Variants in CACNB1 observed in about 807,000 individuals in gnomAD.
The protein encoded by CACNB1 is voltage-dependent L-type calcium channel subunit beta-1.
Under a neutral mutation model 71.6 loss-of-function variants are expected in CACNB1, and 29 were observed. That is an observed-to-expected ratio of 0.40 (90% CI 0.30 to 0.55). CACNB1 has a LOEUF of 0.55. Ranked by LOEUF, CACNB1 falls within the 20% of genes least tolerant of loss-of-function variation. The probability of loss-of-function intolerance (pLI) is 0.38; values close to 1 mark genes in which losing one functional copy is unlikely to be tolerated. For missense variants in CACNB1, 623 were observed against 801.8 expected (o/e 0.78, Z 2.69); for synonymous variants, 300 against 319.6 (o/e 0.94, Z 0.65).
Position 39,186,419 on chromosome 17 carries a change from A to T in CACNB1, c.628+77T>A. The stretch of plus-strand genomic sequence containing the variant: ...ATTGGGGTGTTTCCTACTGCAGGGA[A>T]AGGAGGATTCAGGGAGTGGGGAGAC... On this transcript the variant is annotated intron_variant, in intron 6 of 13. Coordinates refer to ENST00000394303, the MANE Select transcript of CACNB1 (RefSeq NM_000723.5). The surrounding 1 kb of genome is among the most constrained non-coding windows in gnomAD (Gnocchi z 4.1). 1 of 1,052,812 alleles carries T rather than the reference A, an allele frequency of 9.5e-7. No homozygotes were observed. The highest frequency in any genetic ancestry group is 1.4e-6 in the Non-Finnish European group (1 of 703,688). The allele number at this position is 1,052,812 out of a possible 1,614,324, so 65.2% of individuals were successfully genotyped here.
chr17:39,190,974 G>C (rs915404390), intron 3 of CACNB1, among the ~76,000 whole-genome samples: 2 of 151,950 alleles, frequency 1.3e-5, no homozygotes, highest in Admixed American at 6.5e-5. Flanking sequence ...GGAGGCTGAG[G>C]GGGGCGGATC....
rs1291692512 is a variant in CACNB1, at chr17:39,194,811, G to A, written c.171+73C>T. ...CAGGGAAGGGTGCCTGGACAATACCGCAGACCTGGCTCACCAATGCTGGTC... is the reference window on the plus strand; with the variant it reads ...CAGGGAAGGGTGCCTGGACAATACCACAGACCTGGCTCACCAATGCTGGTC... On this transcript the variant is annotated intron_variant, in intron 2 of 13. Transcript: ENST00000394303. This position sits in a 1 kb window ranked among gnomAD's most constrained non-coding sequence, Gnocchi z 4.6. 7 of 1,043,986 alleles carry A rather than the reference G, an allele frequency of 6.7e-6. No individual in the cohort carries two copies. The highest frequency in any genetic ancestry group is 1.4e-5 in the South Asian group (1 of 70,686). 64.7% of individuals were successfully genotyped at this position (1,043,986 alleles called of 1,614,324 possible).
In CACNB1 at chr17:39,186,633, C is replaced by A; in HGVS notation, c.552-61G>T. The A allele has an allele frequency of 6.5e-7, 1 of 1,532,860 alleles. No individual in the cohort carries two copies. The highest frequency in any genetic ancestry group is 1.2e-5 in the South Asian group (1 of 86,894). The allele number at this position is 1,532,860 out of a possible 1,614,324, so 95.0% of individuals were successfully genotyped here. On this transcript the variant is annotated intron_variant, in intron 5 of 13. Transcript: ENST00000394303. The surrounding 1 kb of genome is among the most constrained non-coding windows in gnomAD (Gnocchi z 4.1). ...AGAGGTGGGCGTGGGGGGCTCTCAT[C>A]CTCTCACATGCGGCACCCCCGGAGG...
rs542304296 is a variant in CACNB1, at chr17:39,191,605, G to C, written c.172-12C>G. On this transcript the variant is annotated splice_polypyrimidine_tract_variant and intron_variant, in intron 2 of 13. Coordinates refer to ENST00000394303, the MANE Select transcript of CACNB1 (RefSeq NM_000723.5). ...GACTCCGCTGAGCCCTGAAAATAGA[G>C]AGAGCCAGATCAGGGCCATTGCTGC... 1.1e-5 allele frequency: 17 copies of C among 1,608,092 alleles called. No homozygotes were observed. In the South Asian group the frequency reaches 1.8e-4, roughly 17 times the overall value.
intron 4 of CACNB1, 91 bp downstream of exon 4, chr17:39,187,388 G>T: frequency 7.0e-7 from 1 of 1,431,190 alleles, no homozygotes; most frequent in Non-Finnish European, 9.8e-7. Flanking sequence ...ATTCAGCCTG[G>T]CTCTGCTTGG....
At chr17:39,177,578 C>A in intron 12 of CACNB1, 43 bp from the exon 13 acceptor site, 1 of 1,515,036 alleles carries the variant, frequency 6.6e-7, no homozygotes, top group Non-Finnish European at 9.0e-7. Context: ...ATGAGTGGGG[C>A]ATGGCCAAGG....
chr17:39,191,770 C>T, intron 2 of CACNB1, 177 bp from the exon 3 acceptor site: 1 of 597,200 alleles, frequency 1.7e-6, no homozygotes, highest in South Asian at 2.2e-5. Flanking sequence ...TGAGATTTCT[C>T]AGGCCCCTGG....
intron 11 of CACNB1, among the ~76,000 whole-genome samples, chr17:39,180,675 G>A (rs1441960714): frequency 6.6e-6 from 1 of 151,752 alleles, no homozygotes; most frequent in Non-Finnish European, 1.5e-5. Context: ...AAAAAAGAGA[G>A]AAAGAAAGAT....
Position 39,175,214 on chromosome 17 carries a change from TC to T in CACNB1, c.1775del (p.Gly592AspfsTer120), listed in dbSNP as rs778499557. On this transcript the variant is annotated frameshift_variant, in exon 14 of 14. Transcript: ENST00000394303. LOFTEE classifies it high-confidence loss of function. This position sits in a 1 kb window ranked among gnomAD's most constrained non-coding sequence, Gnocchi z 4.7. ...GRNKNELEGWGRGVYIR is the reference protein window; with the variant it reads ...GRNKNELEGWXRGVYIR ...CCTCTCAGCGAATGTAGACGCCTCG[TC>T]CCCAGCCCTCCAGCTCATTCTTGTT... 1 of 1,612,812 alleles carries T rather than the reference TC, an allele frequency of 6.2e-7. No individual in the cohort carries two copies.
At position 39,186,312 on chromosome 17, in the gene CACNB1, G is replaced by A; in HGVS notation, c.628+184C>T. The A allele has an allele frequency of 9.4e-6, 6 of 635,156 alleles. No homozygotes were observed. The South Asian group carries it at 9.7e-5, about 10-fold the overall frequency. 39.3% of individuals were successfully genotyped at this position (635,156 alleles called of 1,614,324 possible). ...ATGGAGCTACCAAAGAAAAGGGAGAGGAGAGACATGACAGGCCCAGCTTGA... is the reference window on the plus strand; with the variant it reads ...ATGGAGCTACCAAAGAAAAGGGAGAAGAGAGACATGACAGGCCCAGCTTGA... On this transcript the variant is annotated intron_variant, in intron 6 of 13. Transcript: ENST00000394303. The surrounding 1 kb of genome is among the most constrained non-coding windows in gnomAD (Gnocchi z 4.1).
At chr17:39,197,371 G>T in intron 1 of CACNB1, 41 bp downstream of exon 1, 1 of 1,348,314 alleles carries the variant, frequency 7.4e-7, no homozygotes, top group Non-Finnish European at 9.8e-7. Flanking sequence ...ACGGTCCGCG[G>T]GAGCGACCCC....
chr17:39,176,311 T>C (rs1453931784), intron 13 of CACNB1, among the ~76,000 whole-genome samples: 2 of 152,086 alleles, frequency 1.3e-5, no homozygotes, highest in Non-Finnish European at 2.9e-5. Context: ...AAATGTCACG[T>C]GGAGGTGGGG....
chr17:39,183,104 T>C (rs2045820445), intron 11 of CACNB1: 2 of 191,834 alleles, frequency 1.0e-5, no homozygotes, highest in African/African-American at 4.8e-5. Flanking sequence ...ATGAGGACAC[T>C]GCAGCAAAAA....
chr17:39,182,816 T>C (rs1036124271), intron 11 of CACNB1: 23 of 282,438 alleles, frequency 8.1e-5, no homozygotes, highest in African/African-American at 5.0e-4. Flanking sequence ...ACAACCCCAC[T>C]TTATAGGTGA....
intron 4 of CACNB1, 139 bp downstream of exon 4, chr17:39,187,340 C>T: frequency 2.1e-6 from 2 of 953,610 alleles, no homozygotes; most frequent in Non-Finnish European, 3.1e-6. Context: ...TTAAGAGGCT[C>T]AGAGAGGTGG....
At chr17:39,192,211 A>G (rs1192732952) in intron 2 of CACNB1, 1 of 154,046 alleles carries the variant, frequency 6.5e-6, no homozygotes, top group Non-Finnish European at 1.4e-5. Flanking sequence ...AGGACACAAG[A>G]GAACCCAAGA....
chr17:39,187,094 C>A, intron 4 of CACNB1, 165 bp from the exon 5 acceptor site: 1 of 682,414 alleles, frequency 1.5e-6, no homozygotes, highest in Admixed American at 2.7e-5. Context: ...GCTGCCAATT[C>A]TCAGGACAAC....
intron 12 of CACNB1, 52 bp from the exon 13 acceptor site, chr17:39,177,587 G>A: frequency 6.9e-7 from 1 of 1,449,458 alleles, no homozygotes; most frequent in Admixed American, 1.9e-5. Context: ...GCATGGCCAA[G>A]GGGGTTGAGG....
chr17:39,193,225 CAT>C (rs950968871), intron 2 of CACNB1: 11 of 297,962 alleles, frequency 3.7e-5, no homozygotes, highest in Admixed American at 9.9e-5. Flanking sequence ...GACACACACA[CAT>C]ATGCAGACAC....
Sources: gnomAD v4.1 joint callset for allele counts (sites outside exome capture counted in the v4.1 genomes callset) on GRCh38, gnomAD v4.1.1 for gene constraint, Gnocchi (gnomAD v3.1) non-coding constraint, MANE v1.5 for transcripts, NCBI Gene and HGNC (gene_info 2026-07-23, HGNC 2026-07-21) for gene names.